LMBR1: variants seen among roughly 807,000 people sequenced by gnomAD.
LMBR1 encodes the protein limb region 1 protein homolog.
Under a neutral mutation model 73.9 loss-of-function variants are expected in LMBR1, and 52 were observed. The ratio of observed to expected loss-of-function variants is 0.70; its 90% CI spans 0.56 to 0.89. The LOEUF (loss-of-function observed/expected upper bound fraction) is 0.89. Ranked by LOEUF, LMBR1 falls within the 40% of genes least tolerant of loss-of-function variation. The pLI is 0.00. For missense variants in LMBR1, 539 were observed against 579.8 expected, an observed-to-expected ratio of 0.93 and a Z score of 0.72; for synonymous variants, 215 against 209.4, an observed-to-expected ratio of 1.03 and a Z score of -0.23.
In LMBR1 at chr7:156,681,510, T is replaced by A. The variant is rs1805021389; in HGVS notation, c.*2568A>T. On this transcript the variant is annotated 3_prime_UTR_variant, in exon 17 of 17. Transcript: ENST00000353442. ...GTAAAAATTAATACAAATGTTATAA[T>A]CTGAAAACTTATAATTGTAAAATAA... 1 of 154,918 alleles carries A rather than the reference T, an allele frequency of 6.5e-6. No individual in the cohort carries two copies. The highest frequency in any genetic ancestry group is 2.4e-5 in the African/African-American group (1 of 41,482). The allele number at this position is 154,918 out of a possible 1,614,324, so 9.6% of individuals were successfully genotyped here. A position where few individuals can be genotyped will look rare whatever the true frequency, so the allele number is the denominator to read the frequency against.
In LMBR1 at chr7:156,762,191, T is replaced by C. The variant is rs1227969762; in HGVS notation, c.627A>G (p.Thr209=). The C allele has an allele frequency of 1.9e-6, 3 of 1,609,090 alleles. No individual in the cohort carries two copies. The highest frequency in any genetic ancestry group is 2.6e-6 in the Non-Finnish European group (3 of 1,175,966). Residue 209 remains threonine (T), a synonymous_variant, in exon 8 of 17, where the codon ACA becomes ACG. Transcript: ENST00000353442. ...LMGCLLLLLC[T]PVGLSRMFTV... ...TGAACATACGAGAAAGGCCAACTGGTGTACACACTGCAGAAATAAGATCAC... is the reference window on the plus strand; with the variant it reads ...TGAACATACGAGAAAGGCCAACTGGCGTACACACTGCAGAAATAAGATCAC...
chr7:156,728,426 TG>T (rs1440550646), intron 11 of LMBR1, among the ~76,000 whole-genome samples: 1 of 152,236 alleles, frequency 6.6e-6, no homozygotes, highest in African/African-American at 2.4e-5. Flanking sequence ...CCTGCTTTCA[TG>T]AAGAAACAGA....
intron 10 of LMBR1, among the ~76,000 whole-genome samples, chr7:156,731,732 T>C (rs1367288446): frequency 6.6e-6 from 1 of 152,084 alleles, no homozygotes; most frequent in East Asian, 1.9e-4. Flanking sequence ...ACATATGAAT[T>C]AGAATACCAA....
At chr7:156,855,666 C>CAAAAAA (rs35231167) in intron 1 of LMBR1, among the ~76,000 whole-genome samples, 3 of 87,278 alleles carry the variant, frequency 3.4e-5, no homozygotes, top group Admixed American at 1.3e-4. Context: ...AACGTAAATA[C>CAAAAAA]AAAAAAAAAA....
intron 1 of LMBR1, among the ~76,000 whole-genome samples, chr7:156,887,507 A>C (rs1009270763): frequency 6.6e-6 from 1 of 152,044 alleles, no homozygotes; most frequent in Non-Finnish European, 1.5e-5. Context: ...TATTGTACAA[A>C]AAAATTAATT....
intron 5 of LMBR1, among the ~76,000 whole-genome samples, chr7:156,792,861 T>A (rs1829464467): frequency 6.6e-6 from 1 of 151,842 alleles, no homozygotes; most frequent in Non-Finnish European, 1.5e-5. Context: ...ATATGCCATT[T>A]AGGGATACAC....
rs574117163 is a variant in LMBR1, at chr7:156,697,083, T to C, written c.1226-8892A>G. 1.1e-4 allele frequency among the ~76,000 whole-genome samples: 16 copies of C among 152,302 alleles called. No homozygotes were observed. The South Asian group carries it at 3.3e-3, about 32-fold the overall frequency. The stretch of plus-strand genomic sequence containing the variant: ...AGACAGTACAAAGAGAGGAATTTTA[T>C]AGCTGGGCCGCCAGGGGTGACATCA... On this transcript the variant is annotated intron_variant, in intron 15 of 16. Transcript: ENST00000353442.
In LMBR1 at chr7:156,842,928, G is replaced by A. The variant is rs530809730; in HGVS notation, c.67-6043C>T. Among the ~76,000 whole-genome samples, 8 of 152,174 alleles carry A rather than the reference G, an allele frequency of 5.3e-5. No homozygotes were observed. In the East Asian group the frequency reaches 1.2e-3, roughly 22 times the overall value. On this transcript the variant is annotated intron_variant, in intron 1 of 16. Transcript: ENST00000353442. ...TCTCTCCTCCCCTTTCCAGCCAAGC[G>A]CTTCAAAATAATAGCCTGTGCTTGC...
intron 15 of LMBR1, among the ~76,000 whole-genome samples, chr7:156,717,923 G>A (rs1813578005): frequency 6.6e-6 from 1 of 152,116 alleles, no homozygotes; most frequent in Admixed American, 6.5e-5. Flanking sequence ...AGACATTTCT[G>A]GAAACTTGGA....
intron 1 of LMBR1, chr7:156,892,554 A>AGGAAGCCCCTGGGGTCCCAGAGC (rs1803248087): frequency 5.9e-6 from 1 of 169,992 alleles, no homozygotes; most frequent in African/African-American, 2.4e-5. Context: ...CCGCCCAGAG[A>AGGAAGCCCCTGGGGTCCCAGAGC]GGAAGCCCCT....
rs112662587 is a variant in LMBR1, at chr7:156,726,391, A to T, written c.994-554T>A. The stretch of plus-strand genomic sequence containing the variant: ...GATGTAACTGTTAACATAGATTTTT[A>T]AAAAAGTAATGCTATAAATTTTTTC... On this transcript the variant is annotated intron_variant, in intron 12 of 16. Coordinates refer to ENST00000353442, the MANE Select transcript of LMBR1 (RefSeq NM_022458.4). Among the ~76,000 whole-genome samples, 1,188 of 152,260 alleles carry T rather than the reference A, an allele frequency of 7.8e-3. 16 individuals carry two copies. Among genetic ancestry groups the T allele is most frequent in the African/African-American group, 0.027 (1,111 of 41,560 alleles).
At chr7:156,695,863 G>A (rs1472759641) in intron 15 of LMBR1, among the ~76,000 whole-genome samples, 3 of 143,324 alleles carry the variant, frequency 2.1e-5, no homozygotes. Flanking sequence ...AAAAGACACT[G>A]ATGGAAAAAA....
intron 9 of LMBR1, among the ~76,000 whole-genome samples, chr7:156,737,425 G>A (rs532556529): frequency 6.6e-6 from 1 of 152,126 alleles, no homozygotes; most frequent in East Asian, 1.9e-4. Flanking sequence ...TTCATGTACT[G>A]TGTTGGGCAC....
At chr7:156,832,889 A>T (rs1437492320) in intron 3 of LMBR1, among the ~76,000 whole-genome samples, 5 of 152,236 alleles carry the variant, frequency 3.3e-5, no homozygotes, top group Non-Finnish European at 7.3e-5. Context: ...ACTAAAGGAC[A>T]TGACACCCAA....
At chr7:156,672,652 A>C (rs1427205363) in intron 4 of LMBR1, among the ~76,000 whole-genome samples, 2 of 152,212 alleles carry the variant, frequency 1.3e-5, no homozygotes, top group South Asian at 2.1e-4. Context: ...CTGTAGAGAG[A>C]GCGATACACT....
At chr7:156,853,088 G>A (rs978625265) in intron 1 of LMBR1, among the ~76,000 whole-genome samples, 3 of 151,716 alleles carry the variant, frequency 2.0e-5, no homozygotes, top group African/African-American at 7.3e-5. Flanking sequence ...ACAGGCACCC[G>A]TCACCACACC....
chr7:156,725,496 A>T lies in LMBR1; in HGVS notation c.1097T>A (p.Phe366Tyr). 1 of 1,610,072 alleles carries T rather than the reference A, an allele frequency of 6.2e-7. No homozygotes were observed. The highest frequency in any genetic ancestry group is 1.1e-5 in the South Asian group (1 of 90,622). ...FYLMVSSVVGFYSLRFFGNFT... is the reference protein window; with the variant it reads ...FYLMVSSVVGYYSLRFFGNFT... Reference sequence around the variant, plus strand: ...GTTTCCAAAAAATCGAAGGCTATAGAAGCCGACAACAGAGGACACCATAAG... The same window carrying T: ...GTTTCCAAAAAATCGAAGGCTATAGTAGCCGACAACAGAGGACACCATAAG... The change falls in exon 14 of 17, where the codon TTC becomes TAC. Residue 366 changes from phenylalanine to tyrosine, a missense_variant. Coordinates refer to ENST00000353442, the MANE Select transcript of LMBR1 (RefSeq NM_022458.4).
chr7:156,749,476 A>AGCAAAATTCAAGGACTGATGATG (rs1820435184), intron 9 of LMBR1, among the ~76,000 whole-genome samples: 1 of 152,212 alleles, frequency 6.6e-6, no homozygotes, highest in Admixed American at 6.5e-5. Context: ...GGTTATAAAC[A>AGCAAAATTCAAGGACTGATGATG]GCAAAATTCA....
chr7:156,697,980 G>C (rs1283640748), intron 15 of LMBR1, among the ~76,000 whole-genome samples: 1 of 152,198 alleles, frequency 6.6e-6, no homozygotes, highest in East Asian at 1.9e-4. Flanking sequence ...GCTCCAGCCA[G>C]TCCCTCCATT....
Sources: allele counts gnomAD v4.1 joint callset (sites outside exome capture counted in the v4.1 genomes callset), GRCh38; gene constraint gnomAD v4.1.1; transcripts MANE v1.5; gene names NCBI Gene and HGNC (gene_info 2026-07-23, HGNC 2026-07-21).